Variants in CCDC66 observed in about 807,000 individuals in gnomAD.
The protein encoded by CCDC66 is coiled-coil domain-containing protein 66.
A neutral mutation model predicts 128.3 loss-of-function variants in CCDC66; 133 were observed. The observed-to-expected ratio is 1.04, with a 90% CI of 0.90 to 1.20. CCDC66 has a LOEUF of 1.20. Ranked by LOEUF, CCDC66 falls within the 50% of genes most tolerant of loss-of-function variation. The pLI, the probability that CCDC66 is intolerant of heterozygous loss-of-function variation, is 0.00. For missense variants in CCDC66, 1,126 were observed against 1,075.5 expected, an observed-to-expected ratio of 1.05 and a Z score of -0.66; for synonymous variants, 387 against 357.0, an observed-to-expected ratio of 1.08 and a Z score of -0.95.
At chr3:56,614,230 T>A (rs945136443) in intron 11 of CCDC66, among the ~76,000 whole-genome samples, 2 of 152,228 alleles carry the variant, frequency 1.3e-5, no homozygotes, top group African/African-American at 4.8e-5. Context: ...GATATAGTTC[T>A]CAAATGTTAT....
Position 56,619,760 on chromosome 3 carries a change from CT to C in CCDC66, c.2636-14del. 1 of 1,612,556 alleles carries C rather than the reference CT, an allele frequency of 6.2e-7. No individual in the cohort carries two copies. Among genetic ancestry groups the C allele is most frequent in the Non-Finnish European group, 8.5e-7 (1 of 1,179,292 alleles). ...ACTAATGTAATTGACTGACTTGTTA[CT>C]TTCATCTGGCTTTAGACTGTGGCCA... On this transcript the variant is annotated splice_polypyrimidine_tract_variant and intron_variant, in intron 16 of 17. Transcript: ENST00000394672.
rs887985072 is a variant in CCDC66 at position 56,565,955 on chromosome 3, C to T, written c.545-639C>T. On this transcript the variant is annotated intron_variant, in intron 4 of 17. Coordinates refer to ENST00000394672, the MANE Select transcript of CCDC66 (RefSeq NM_001141947.3). Reference sequence around the variant, plus strand: ...TGCTGGGATTACAGGCGTGAGCCACCGTGCCTGGCCAGTTTTTATTTTTAA... The same window carrying T: ...TGCTGGGATTACAGGCGTGAGCCACTGTGCCTGGCCAGTTTTTATTTTTAA... Among the ~76,000 whole-genome samples the T allele has an allele frequency of 5.9e-5, 9 of 152,178 alleles. No individual in the cohort carries two copies. In the South Asian group the frequency reaches 6.2e-4, roughly 10 times the overall value.
rs191468549 is a variant in CCDC66 at position 56,573,495 on chromosome 3, A to G, written c.936+2193A>G. 5.9e-4 allele frequency among the ~76,000 whole-genome samples: 90 copies of G among 152,362 alleles called. 1 individual carries two copies. The highest frequency in any genetic ancestry group is 5.9e-5 in the Non-Finnish European group (4 of 68,034). On this transcript the variant is annotated intron_variant, in intron 7 of 17. Transcript: ENST00000394672. The stretch of plus-strand genomic sequence containing the variant: ...GTATTTAATAAGCATAGAAGGAGTC[A>G]TGAATATTTATGAAAGGAGAAACAT...
chr3:56,617,047 G>A, intron 13 of CCDC66, 65 bp from the exon 14 acceptor site: 1 of 1,270,620 alleles, frequency 7.9e-7, no homozygotes, highest in East Asian at 2.6e-5. Context: ...ATGTTTTGGG[G>A]AAAATTATTT....
At chr3:56,594,539 G>T (rs2071520234) in intron 10 of CCDC66, among the ~76,000 whole-genome samples, 1 of 152,022 alleles carries the variant, frequency 6.6e-6, no homozygotes. Context: ...AAAATTAGCT[G>T]GGCGTGGTGG....
At chr3:56,575,751 T>C (rs1349780055) in intron 7 of CCDC66, among the ~76,000 whole-genome samples, 1 of 151,894 alleles carries the variant, frequency 6.6e-6, no homozygotes, top group Non-Finnish European at 1.5e-5. Context: ...AATTAAGTTT[T>C]CTATATGGTA....
At chr3:56,613,780 G>C in intron 11 of CCDC66, 30 bp downstream of exon 11, 2 of 1,580,836 alleles carry the variant, frequency 1.3e-6, no homozygotes, top group Non-Finnish European at 8.6e-7. Context: ...TTGTAACTTT[G>C]GTTTTTGTTT....
intron 10 of CCDC66, among the ~76,000 whole-genome samples, chr3:56,596,068 C>T (rs1422545832): frequency 6.6e-6 from 1 of 152,146 alleles, no homozygotes; most frequent in African/African-American, 2.4e-5. Context: ...GCATGCGCCA[C>T]CATGTCAGGC....
In CCDC66 at chr3:56,557,232, GA is replaced by G. The variant is rs2064413148; in HGVS notation, c.-10del. The G allele has an allele frequency of 2.0e-6, 3 of 1,534,682 alleles. No individual in the cohort carries two copies. In the East Asian group the frequency reaches 7.4e-5, roughly 38 times the overall value. The stretch of plus-strand genomic sequence containing the variant: ...CTTGAGCGTTCTGTGGAGAGAGTGC[GA>G]GGTCAGGCCATGAACTTGGGGTAAG... On this transcript the variant is annotated 5_prime_UTR_variant, in exon 1 of 18. Transcript: ENST00000394672.
chr3:56,567,480 A>G (rs555652961), intron 6 of CCDC66, among the ~76,000 whole-genome samples: 1 of 152,216 alleles, frequency 6.6e-6, no homozygotes, highest in Non-Finnish European at 1.5e-5. Context: ...TTTCTGAAAG[A>G]TCAACTGACA....
In CCDC66 at chr3:56,621,700, A is replaced by G; in HGVS notation, c.*82A>G. 2 of 927,218 alleles carry G rather than the reference A, an allele frequency of 2.2e-6. No homozygotes were observed. Among genetic ancestry groups the G allele is most frequent in the Non-Finnish European group, 3.3e-6 (2 of 605,330 alleles). 57.4% of individuals were successfully genotyped at this position (927,218 alleles called of 1,614,324 possible). On this transcript the variant is annotated 3_prime_UTR_variant, in exon 18 of 18. Coordinates refer to ENST00000394672, the MANE Select transcript of CCDC66 (RefSeq NM_001141947.3). ...CTCACTGGCTCAACTGTATTTTTCA[A>G]ATAGCCTAGATTTACTTATTTTTTT...
In CCDC66 at chr3:56,617,278, A is replaced by G. The variant is rs768964604; in HGVS notation, c.2010A>G (p.Leu670=). 1.2e-6 allele frequency: 2 copies of G among 1,613,760 alleles called. No individual in the cohort carries two copies. Among genetic ancestry groups the G allele is most frequent in the South Asian group, 2.2e-5 (2 of 91,028 alleles). Residue 670 remains leucine, a synonymous_variant, in exon 14 of 18, where the codon TTA becomes TTG. Coordinates refer to ENST00000394672, the MANE Select transcript of CCDC66 (RefSeq NM_001141947.3). The part of the protein sequence containing the change: ...QELTQDKGAS[L]EKENNRCNDQ... ...TAACTCAGGATAAAGGAGCCAGCTT[A>G]GAAAAAGAAAACAATCGGTGTAATG... is the stretch of plus-strand genomic sequence containing the variant.
intron 7 of CCDC66, among the ~76,000 whole-genome samples, chr3:56,590,780 T>C (rs1488715694): frequency 6.6e-6 from 1 of 151,494 alleles, no homozygotes; most frequent in Non-Finnish European, 1.5e-5. Flanking sequence ...CAAAAGAGAA[T>C]AGGCTCCAAA....
chr3:56,562,238 G>A (rs1318250595), intron 3 of CCDC66, among the ~76,000 whole-genome samples: 7 of 151,804 alleles, frequency 4.6e-5, no homozygotes, highest in East Asian at 1.9e-4. Flanking sequence ...TTGTACAGAC[G>A]GGAGTCTTCC....
chr3:56,592,959 CTGT>C lies in CCDC66; in HGVS notation c.937-6_937-4del, dbSNP rs776368487. 9 of 1,600,434 alleles carry C rather than the reference CTGT, an allele frequency of 5.6e-6. No homozygotes were observed. The South Asian group carries it at 9.1e-5, about 16-fold the overall frequency. On this transcript the variant is annotated splice_region_variant and splice_polypyrimidine_tract_variant and intron_variant, in intron 7 of 17. Transcript: ENST00000394672. ...ACTGAACTTTAGATGGCTTTTATGG[CTGT>C]TGTTTAGGAAACAGTACTGCTGGAG...
intron 4 of CCDC66, among the ~76,000 whole-genome samples, chr3:56,566,107 C>CTTTCTTTTGT (rs1553662674): frequency 6.7e-6 from 1 of 148,942 alleles, no homozygotes; most frequent in East Asian, 2.0e-4. Context: ...CTTCAGTTTC[C>CTTTCTTTTGT]TTTGTTTTGT....
chr3:56,610,742 T>C (rs1044366142), intron 10 of CCDC66, among the ~76,000 whole-genome samples: 10 of 152,306 alleles, frequency 6.6e-5, no homozygotes, highest in African/African-American at 2.4e-4. Flanking sequence ...GTTGTTCAGA[T>C]TTTTTTGTCC....
In CCDC66 at chr3:56,574,351, G is replaced by C. The variant is rs986861609; in HGVS notation, c.936+3049G>C. Among the ~76,000 whole-genome samples the C allele has an allele frequency of 5.2e-5, 6 of 116,408 alleles. No homozygotes were observed. In the South Asian group the frequency reaches 1.3e-3, roughly 26 times the overall value. The allele number at this position is 116,408 out of a possible 152,430, so 76.4% of individuals were successfully genotyped here. On this transcript the variant is annotated intron_variant, in intron 7 of 17. Coordinates refer to ENST00000394672, the MANE Select transcript of CCDC66 (RefSeq NM_001141947.3). ...CACTCCAGCCTGGGCGACAGAGCAA[G>C]ACTCTGTCTCAAAAAAAAAAAAAAA...
intron 4 of CCDC66, 54 bp downstream of exon 4, chr3:56,564,179 G>T: frequency 7.4e-7 from 1 of 1,344,940 alleles, no homozygotes; most frequent in South Asian, 1.4e-5. Flanking sequence ...ATGTGTTTTA[G>T]AATATCAGAT....
Sources: allele counts gnomAD v4.1 joint callset (sites outside exome capture counted in the v4.1 genomes callset), GRCh38; gene constraint gnomAD v4.1.1; transcripts MANE v1.5; gene names NCBI Gene and HGNC (gene_info 2026-07-23, HGNC 2026-07-21).